The following ARHGAP6 variants were observed in gnomAD, a reference collection of about 807,000 sequenced individuals.
ARHGAP6 encodes rho GTPase-activating protein 6.
A neutral mutation model predicts 55.7 loss-of-function variants in ARHGAP6; 16 were observed. The observed-to-expected ratio is 0.29, with a 90% CI of 0.19 to 0.44. ARHGAP6 has a LOEUF of 0.44. Among genes scored for constraint, ARHGAP6 ranks in the 20% least tolerant of loss-of-function variants. ARHGAP6 has a pLI of 1.00. For synonymous variants in ARHGAP6, 382 were observed against 360.9 expected, an observed-to-expected ratio of 1.06 and a Z score of -0.66; for missense variants, 698 against 808.9, an observed-to-expected ratio of 0.86 and a Z score of 1.66.
At chrX:11,510,532 G>T (rs898619179) in intron 1 of ARHGAP6, among the ~76,000 whole-genome samples, 2 of 111,292 alleles carry the variant, frequency 1.8e-5, no homozygotes, top group African/African-American at 6.5e-5. Context: ...AAAAGCTGCT[G>T]CCACCCATCC....
chrX:11,567,566 A>AAAAAAATATATATATATAT (rs1440758737), intron 1 of ARHGAP6, among the ~76,000 whole-genome samples: 1 of 84,403 alleles, frequency 1.2e-5, no homozygotes, highest in African/African-American at 4.7e-5. Flanking sequence ...AAAAAAAAAA[A>AAAAAAATATATATATATAT]ATATATATAT....
At chrX:11,320,776 C>T (rs1218368594) in intron 1 of ARHGAP6, among the ~76,000 whole-genome samples, 8 of 99,589 alleles carry the variant, frequency 8.0e-5, no homozygotes, top group Non-Finnish European at 1.6e-4. Context: ...TACACACACA[C>T]ACACACACAC....
intron 1 of ARHGAP6, among the ~76,000 whole-genome samples, chrX:11,338,526 A>G (rs1046227550): frequency 9.0e-6 from 1 of 111,639 alleles, no homozygotes; most frequent in African/African-American, 3.3e-5. Flanking sequence ...AAGTTGGGCA[A>G]AAATAAGTTA....
intron 1 of ARHGAP6, among the ~76,000 whole-genome samples, chrX:11,277,755 T>G (rs1480965731): frequency 9.0e-6 from 1 of 110,880 alleles, no homozygotes; most frequent in Admixed American, 9.6e-5. Context: ...AAGAGTAGAT[T>G]AACTAATTTA....
At chrX:11,161,313 A>G (rs1343911218) in intron 9 of ARHGAP6, among the ~76,000 whole-genome samples, 1 of 112,281 alleles carries the variant, frequency 8.9e-6, no homozygotes, top group Non-Finnish European at 1.9e-5. Flanking sequence ...GAGAAATAAA[A>G]GTCAAGTAAA....
rs182760335 is a variant in ARHGAP6, at chrX:11,279,734, A to G, written c.589-25027T>C. On this transcript the variant is annotated intron_variant, in intron 1 of 12. Transcript: ENST00000337414. Reference sequence around the variant, plus strand: ...TTCGACACTTATTTTTTTGCCAAAGACTATGCCAAGTGCATCACATTAATA... The same window carrying G: ...TTCGACACTTATTTTTTTGCCAAAGGCTATGCCAAGTGCATCACATTAATA... Among the ~76,000 whole-genome samples, 3 of 111,294 alleles carry G rather than the reference A, an allele frequency of 2.7e-5. No individual in the cohort carries two copies. In the East Asian group the frequency reaches 8.4e-4, roughly 31 times the overall value.
At chrX:11,391,614 G>T (rs776240655) in intron 1 of ARHGAP6, among the ~76,000 whole-genome samples, 1 of 112,321 alleles carries the variant, frequency 8.9e-6, no homozygotes, top group South Asian at 3.7e-4. Flanking sequence ...GAACAATCAA[G>T]TCAGTGGTCT....
At chrX:11,486,598 C>A (rs187043853) in intron 1 of ARHGAP6, among the ~76,000 whole-genome samples, 13 of 112,277 alleles carry the variant, frequency 1.2e-4, no homozygotes, top group African/African-American at 3.9e-4. Context: ...CAATCCAAGA[C>A]CCATGACATC....
At chrX:11,447,417 CA>C (rs1014564445) in intron 1 of ARHGAP6, among the ~76,000 whole-genome samples, 10 of 112,248 alleles carry the variant, frequency 8.9e-5, no homozygotes, top group Admixed American at 7.5e-4. Flanking sequence ...TATCTTAGAT[CA>C]GGGGTCAACA....
At chrX:11,642,062 T>A (rs1457839914) in intron 1 of ARHGAP6, among the ~76,000 whole-genome samples, 1 of 112,121 alleles carries the variant, frequency 8.9e-6, no homozygotes, top group Non-Finnish European at 1.9e-5. Flanking sequence ...TTTTCTCTTT[T>A]TCAATTCACG....
chrX:11,277,193 G>T (rs1390332764), intron 1 of ARHGAP6, among the ~76,000 whole-genome samples: 1 of 111,731 alleles, frequency 9.0e-6, no homozygotes, highest in Non-Finnish European at 1.9e-5. Flanking sequence ...CATCCACGTT[G>T]TAGCATGTGT....
At chrX:11,615,136 T>C (rs2052148664) in intron 1 of ARHGAP6, among the ~76,000 whole-genome samples, 1 of 111,190 alleles carries the variant, frequency 9.0e-6, no homozygotes, top group Non-Finnish European at 1.9e-5. Flanking sequence ...TTCTCTCTCT[T>C]TCCTTCATGC....
chrX:11,283,126 C>T (rs1374516646), intron 1 of ARHGAP6, among the ~76,000 whole-genome samples: 5 of 112,169 alleles, frequency 4.5e-5, no homozygotes, highest in Admixed American at 2.8e-4. Context: ...GATTCAGCAT[C>T]AATCCCTCAG....
At chrX:11,151,197 CAT>C (rs2045770905) in intron 10 of ARHGAP6, among the ~76,000 whole-genome samples, 1 of 111,018 alleles carries the variant, frequency 9.0e-6, no homozygotes, top group South Asian at 3.7e-4. Context: ...AAGAAAAGAG[CAT>C]ATATAATGCT....
intron 1 of ARHGAP6, among the ~76,000 whole-genome samples, chrX:11,654,053 T>A (rs1478800303): frequency 8.9e-6 from 1 of 112,058 alleles, no homozygotes; most frequent in Non-Finnish European, 1.9e-5. Flanking sequence ...TTGAGCAGAA[T>A]TACACTTTGC....
At chrX:11,357,972 T>C (rs184376064) in intron 1 of ARHGAP6, among the ~76,000 whole-genome samples, 1 of 111,877 alleles carries the variant, frequency 8.9e-6, no homozygotes, top group African/African-American at 3.2e-5. Flanking sequence ...ATGCAACCAT[T>C]ACCACAATCA....
intron 1 of ARHGAP6, among the ~76,000 whole-genome samples, chrX:11,463,241 TGG>T (rs1320483037): frequency 4.5e-5 from 5 of 111,836 alleles, no homozygotes; most frequent in African/African-American, 1.6e-4. Flanking sequence ...AAGGTGTGGG[TGG>T]GGCGTGTGGA....
At chrX:11,557,262 A>T (rs747491836) in intron 1 of ARHGAP6, among the ~76,000 whole-genome samples, 1 of 111,969 alleles carries the variant, frequency 8.9e-6, no homozygotes, top group Non-Finnish European at 1.9e-5. Flanking sequence ...CCTGTCAGAG[A>T]CAGTATGACA....
Position 11,218,888 on chromosome X carries a change from G to GT in ARHGAP6, c.749-21893dup, listed in dbSNP as rs1332498596. ...AATAGTCTGGCTAGCAGTCTATTTT[G>GT]TTTTTTTTTTTATTATACTTTAAGT... is the stretch of plus-strand genomic sequence containing the variant. On this transcript the variant is annotated intron_variant, in intron 2 of 12. Transcript: ENST00000337414. 5.5e-3 allele frequency among the ~76,000 whole-genome samples: 557 copies of GT among 101,459 alleles called. 2 individuals carry two copies. The highest frequency in any genetic ancestry group is 0.026 in the South Asian group (60 of 2,301). The allele number at this position is 101,459 out of a possible 115,157, so 88.1% of individuals were successfully genotyped here.
Sources: allele counts gnomAD v4.1 joint callset (sites outside exome capture counted in the v4.1 genomes callset), GRCh38; gene constraint gnomAD v4.1.1; transcripts MANE v1.5; gene names NCBI Gene and HGNC (gene_info 2026-07-23, HGNC 2026-07-21).